The following HS1BP3 variants were observed in gnomAD, a reference collection of about 807,000 sequenced individuals.
HS1BP3 encodes the protein HCLS1 binding protein 3.
A neutral mutation model predicts 33.5 loss-of-function variants in HS1BP3; 32 were observed. The ratio of observed to expected loss-of-function variants is 0.95; its 90% CI spans 0.72 to 1.28. HS1BP3 has a LOEUF of 1.28. HS1BP3 is among the 50% of genes most tolerant of loss of function. The probability of loss-of-function intolerance (pLI) is 0.00; values close to 1 mark genes in which losing one functional copy is unlikely to be tolerated. For missense variants in HS1BP3, 486 were observed against 502.3 expected (o/e 0.97, Z 0.31); for synonymous variants, 187 against 209.2 (o/e 0.89, Z 0.92).
intron 4 of HS1BP3, chr2:20,635,931 G>A (rs1695112116): frequency 6.6e-6 from 1 of 152,338 alleles, no homozygotes; most frequent in African/African-American, 2.4e-5. Flanking sequence ...CTTTGTGCTG[G>A]CGACTCCCAC....
In HS1BP3 at chr2:20,618,085, G is replaced by A. The variant is rs1694473760; in HGVS notation, c.*902C>T. The A allele has an allele frequency of 6.6e-6, 1 of 152,388 alleles. No homozygotes were observed. The highest frequency in any genetic ancestry group is 1.5e-5 in the Non-Finnish European group (1 of 68,120). The allele number at this position is 152,388 out of a possible 1,614,324, so 9.4% of individuals were successfully genotyped here. A position where few individuals can be genotyped will look rare whatever the true frequency, so the allele number is the denominator to read the frequency against. ...CTGGCAGTGGGAGGCGGTGCAGGCTGGGAGCCCTGCCCAGGCCCCAGGCTG... is the reference window on the plus strand; with the variant it reads ...CTGGCAGTGGGAGGCGGTGCAGGCTAGGAGCCCTGCCCAGGCCCCAGGCTG... On this transcript the variant is annotated 3_prime_UTR_variant, in exon 7 of 7. Coordinates refer to ENST00000304031, the MANE Select transcript of HS1BP3 (RefSeq NM_022460.4).
intron 2 of HS1BP3, among the ~76,000 whole-genome samples, chr2:20,643,841 G>A (rs111769638): frequency 0.043 from 6,496 of 152,244 alleles, 190 homozygotes; most frequent in Non-Finnish European, 0.069. Flanking sequence ...GCTGAGGCAG[G>A]AGGATTGCTT....
intron 1 of HS1BP3, among the ~76,000 whole-genome samples, chr2:20,645,793 C>T (rs1024468679): frequency 6.6e-6 from 1 of 152,214 alleles, no homozygotes; most frequent in Non-Finnish European, 1.5e-5. Flanking sequence ...TGAAAGGGAT[C>T]GACACAAACT....
At chr2:20,609,297 C>T (rs2149285538) in intron 2 of HS1BP3, among the ~76,000 whole-genome samples, 1 of 152,324 alleles carries the variant, frequency 6.6e-6, no homozygotes, top group Non-Finnish European at 1.5e-5. Flanking sequence ...CAGCAGCCTT[C>T]CTGCATCCCA....
At chr2:20,580,921 C>T (rs894386623) in intron 5 of HS1BP3, among the ~76,000 whole-genome samples, 4 of 152,350 alleles carry the variant, frequency 2.6e-5, no homozygotes, top group Middle Eastern at 3.4e-3. Flanking sequence ...GCTGAACTCA[C>T]ACCACGGATA....
At chr2:20,615,225 T>C (rs72782382), downstream of HS1BP3, among the ~76,000 whole-genome samples, 3,020 of 152,352 alleles carry the variant, frequency 0.02, 36 homozygotes, top group Non-Finnish European at 0.031. Context: ...GTCTCTTCAC[T>C]TGGCACTGTG....
intron 5 of HS1BP3, among the ~76,000 whole-genome samples, chr2:20,564,774 A>C (rs1048512376): frequency 5.3e-5 from 8 of 152,138 alleles, no homozygotes; most frequent in Non-Finnish European, 4.4e-5. Flanking sequence ...GTGAGCCACC[A>C]TGCCCGGCCC....
chr2:20,631,583 T>G (rs1694970860), intron 4 of HS1BP3, among the ~76,000 whole-genome samples: 1 of 144,842 alleles, frequency 6.9e-6, no homozygotes, highest in African/African-American at 2.6e-5. Flanking sequence ...ACCATGAACG[T>G]TTATCATTTG....
rs978305787 is a variant in HS1BP3 at position 20,618,549 on chromosome 2, C to A, written c.*438G>T. 8 of 205,328 alleles carry A rather than the reference C, an allele frequency of 3.9e-5. No individual in the cohort carries two copies. Among genetic ancestry groups the A allele is most frequent in the Middle Eastern group, 1.9e-3 (1 of 534 alleles). 12.7% of individuals were successfully genotyped at this position (205,328 alleles called of 1,614,324 possible). A position where few individuals can be genotyped will look rare whatever the true frequency, so the allele number is the denominator to read the frequency against. On this transcript the variant is annotated 3_prime_UTR_variant, in exon 7 of 7. Transcript: ENST00000304031. ...ATACCGGTCACTCCTTCTTACTATG[C>A]GAACAGAGGCAGAGGAGGGATAGAG...
the HS1BP3 span, among the ~76,000 whole-genome samples, chr2:20,555,205 A>C: frequency 6.6e-6 from 1 of 152,220 alleles, no homozygotes; most frequent in African/African-American, 2.4e-5. Context: ...TTCCAAAACA[A>C]GGCCTTTATC....
At chr2:20,565,335 C>A (rs1258671179) in intron 5 of HS1BP3, among the ~76,000 whole-genome samples, 1 of 152,196 alleles carries the variant, frequency 6.6e-6, no homozygotes, top group African/African-American at 2.4e-5. Flanking sequence ...GGCTCCTCCA[C>A]CAGATGGACC....
intron 6 of HS1BP3, among the ~76,000 whole-genome samples, chr2:20,621,448 G>A (rs1694599400): frequency 6.6e-6 from 1 of 152,270 alleles, no homozygotes; most frequent in Admixed American, 6.5e-5. Flanking sequence ...CAGACCAGCT[G>A]TCTTGGGGTA....
At chr2:20,642,593 C>T (rs1271454031) in intron 2 of HS1BP3, among the ~76,000 whole-genome samples, 2 of 152,198 alleles carry the variant, frequency 1.3e-5, no homozygotes, top group African/African-American at 2.4e-5. Flanking sequence ...CCCGACTGCT[C>T]CCCTCAGGCT....
At chr2:20,636,382 GC>G (rs1241913630) in intron 4 of HS1BP3, 1 of 152,316 alleles carries the variant, frequency 6.6e-6, no homozygotes, top group African/African-American at 2.4e-5. Flanking sequence ...TAATCCTGGG[GC>G]CCTGCCCACC....
downstream of HS1BP3, among the ~76,000 whole-genome samples, chr2:20,588,243 A>G (rs186391475): frequency 8.4e-4 from 128 of 152,274 alleles, no homozygotes; most frequent in Admixed American, 1.5e-3. Context: ...TATTACTTCT[A>G]TAATTGGAAC....
chr2:20,590,709 T>C (rs1297421803), downstream of HS1BP3: 1 of 152,408 alleles, frequency 6.6e-6, no homozygotes, highest in Admixed American at 6.6e-5. Context: ...GTGGATCCAG[T>C]GAGAACTTAT....
At position 20,611,784 on chromosome 2, in the gene HS1BP3, G is replaced by A. The variant is rs73235054; in HGVS notation, c.178+12112C>T. On this transcript the variant is annotated intron_variant, in intron 2 of 3. Coordinates refer to the HS1BP3 transcript ENST00000415264. This position sits in a 1 kb window ranked among gnomAD's most constrained non-coding sequence, Gnocchi z 4.9. ...CCCATTCCCATGCCCCCCACCCCACGGTGAGGCAGCAGAAGCAGGCCATCA... is the reference window on the plus strand; with the variant it reads ...CCCATTCCCATGCCCCCCACCCCACAGTGAGGCAGCAGAAGCAGGCCATCA... Among the ~76,000 whole-genome samples the A allele has an allele frequency of 0.014, 2,125 of 152,246 alleles. 39 individuals are homozygous for A. Among genetic ancestry groups the A allele is most frequent in the African/African-American group, 0.047 (1,942 of 41,538 alleles).
intron 4 of HS1BP3, among the ~76,000 whole-genome samples, chr2:20,625,589 G>T (rs1694754940): frequency 6.6e-6 from 1 of 152,198 alleles, no homozygotes; most frequent in African/African-American, 2.4e-5. Flanking sequence ...GTTAACACTT[G>T]GGTTCTGTGG....
chr2:20,562,249 T>C (rs1380781585), intron 5 of HS1BP3, among the ~76,000 whole-genome samples: 1 of 151,864 alleles, frequency 6.6e-6, no homozygotes, highest in Non-Finnish European at 1.5e-5. Context: ...GAGGCTGAGG[T>C]GGGAAGAATG....
Sources: gnomAD v4.1 joint callset for allele counts (sites outside exome capture counted in the v4.1 genomes callset) on GRCh38, gnomAD v4.1.1 for gene constraint, Gnocchi (gnomAD v3.1) non-coding constraint, MANE v1.5 for transcripts, NCBI Gene and HGNC (gene_info 2026-07-23, HGNC 2026-07-21) for gene names.